ZNF331: variants seen among roughly 807,000 people sequenced by gnomAD.
ZNF331 encodes the protein C2H2-like zinc finger protein rearranged in thyroid adenomas.
In ZNF331, 2 loss-of-function variants were observed where a neutral mutation model predicts 7.0. The observed-to-expected ratio is 0.29, with a 90% CI of 0.12 to 0.90. The LOEUF is 0.90. Ranked by LOEUF, ZNF331 falls within the 40% of genes least tolerant of loss-of-function variation. The pLI, the probability that ZNF331 is intolerant of heterozygous loss-of-function variation, is 0.58. For missense variants in ZNF331, 432 were observed against 587.7 expected (o/e 0.74, Z 2.74); for synonymous variants, 196 against 205.4 (o/e 0.95, Z 0.39).
chr19:53,527,424 T>C (rs1166668822), intron 2 of ZNF331, among the ~76,000 whole-genome samples: 1 of 152,184 alleles, frequency 6.6e-6, no homozygotes, highest in African/African-American at 2.4e-5. Flanking sequence ...CTGAAGTTAT[T>C]AATCAGCTAA....
chr19:53,575,631 G>A (rs2090680847), intron 5 of ZNF331, among the ~76,000 whole-genome samples: 1 of 149,042 alleles, frequency 6.7e-6, no homozygotes, highest in Admixed American at 6.8e-5. Flanking sequence ...ACACCACCAT[G>A]CCTGGCTAAT....
intron 2 of ZNF331, among the ~76,000 whole-genome samples, chr19:53,546,490 C>G (rs991517874): frequency 1.3e-5 from 2 of 151,240 alleles, no homozygotes; most frequent in East Asian, 3.9e-4. Context: ...TGTTGACATC[C>G]TGCTGTGTGC....
In ZNF331 at chr19:53,538,194, T is replaced by C. The variant is rs1410089284; in HGVS notation, c.-307T>C. 1 of 152,144 alleles carries C rather than the reference T, an allele frequency of 6.6e-6. No individual in the cohort carries two copies. The highest frequency in any genetic ancestry group is 2.4e-5 in the African/African-American group (1 of 41,408). 9.4% of individuals were successfully genotyped at this position (152,144 alleles called of 1,614,324 possible). On this transcript the variant is annotated 5_prime_UTR_variant, in exon 1 of 6. Transcript: ENST00000449416. The stretch of plus-strand genomic sequence containing the variant: ...GACGCGGCGGCCCTGTCCCCGTAAC[T>C]GTGACACGGGTGCACGCGAGCGTCA...
chr19:53,510,924 C>T, the ZNF331 span, among the ~76,000 whole-genome samples: 18,729 of 152,032 alleles, frequency 0.12, 1,213 homozygotes, highest in East Asian at 0.19. Context: ...TTTGTAATTG[C>T]ATCCCCACCC....
chr19:53,519,096 C>G (rs2086976804), upstream of ZNF331, among the ~76,000 whole-genome samples: 1 of 152,164 alleles, frequency 6.6e-6, no homozygotes, highest in Non-Finnish European at 1.5e-5. Flanking sequence ...CAAGGGTACT[C>G]TATACAGTAG....
intron 3 of ZNF331, among the ~76,000 whole-genome samples, chr19:53,567,683 CA>C (rs796729593): frequency 1.5e-4 from 21 of 144,356 alleles, no homozygotes; most frequent in Admixed American, 2.1e-4. Context: ...GCAATCTCTA[CA>C]AAAAAAAAAA....
At chr19:53,527,145 T>G (rs1014854344) in intron 2 of ZNF331, among the ~76,000 whole-genome samples, 1 of 151,902 alleles carries the variant, frequency 6.6e-6, no homozygotes, top group Non-Finnish European at 1.5e-5. Flanking sequence ...GAGCCGAGAT[T>G]GTGCCTGGGT....
chr19:53,516,100 G>C (rs1284526), upstream of ZNF331, among the ~76,000 whole-genome samples: 101,581 of 151,974 alleles, frequency 0.67, 34,941 homozygotes, highest in African/African-American at 0.84. Context: ...CCTCAGAAAC[G>C]AGGTCCTTAC....
chr19:53,544,407 A>T lies in ZNF331; in HGVS notation c.-138+5125A>T, dbSNP rs1286177112. Among the ~76,000 whole-genome samples the T allele has an allele frequency of 4.7e-4, 64 of 135,316 alleles. No individual in the cohort carries two copies. In the Middle Eastern group the frequency reaches 0.029, roughly 61 times the overall value. The allele number at this position is 135,316 out of a possible 152,430, so 88.8% of individuals were successfully genotyped here. Reference sequence around the variant, plus strand: ...AAAAATACAAAAAATTAGCCGGGCGAGGTAGTGGGCACCTGTAGTCCCAGC... The same window carrying T: ...AAAAATACAAAAAATTAGCCGGGCGTGGTAGTGGGCACCTGTAGTCCCAGC... On this transcript the variant is annotated intron_variant, in intron 2 of 5. Transcript: ENST00000449416.
intron 2 of ZNF331, among the ~76,000 whole-genome samples, chr19:53,547,601 C>T (rs1386187488): frequency 4.6e-5 from 7 of 152,192 alleles, no homozygotes; most frequent in South Asian, 4.1e-4. Flanking sequence ...GGCATCTCCA[C>T]GGTGTTTTCC....
At chr19:53,552,920 G>T (rs2089107298) in intron 2 of ZNF331, among the ~76,000 whole-genome samples, 1 of 152,036 alleles carries the variant, frequency 6.6e-6, no homozygotes. Flanking sequence ...AATTTTACTA[G>T]TGAGGAAACA....
chr19:53,576,769 G>A lies in ZNF331; in HGVS notation c.209G>A (p.Arg70Lys), dbSNP rs770166196. 38 of 1,613,858 alleles carry A rather than the reference G, an allele frequency of 2.4e-5. No individual in the cohort carries two copies. The highest frequency in any genetic ancestry group is 3.1e-5 in the Non-Finnish European group (37 of 1,179,998). Residue 70 changes from arginine (R) to lysine (K), a missense_variant, in exon 6 of 6, where the codon AGG becomes AAG. By Grantham distance (26) the Arg-to-Lys change is conservative. This residue lies in a region of ZNF331 where 81 missense variants were observed against 70.3 expected (regional missense o/e 1.15). Transcript: ENST00000449416. Reference protein sequence around the residue: ...KNIHEIRASKRNSDRRSKSLG... With the variant: ...KNIHEIRASKKNSDRRSKSLG... ...ATTCATGAAATAAGGGCTTCCAAAA[G>A]GAATTCAGATAGAAGAAGTAAATCC...
intron 5 of ZNF331, among the ~76,000 whole-genome samples, chr19:53,574,937 CTTTTT>C (rs11354144): frequency 2.5e-5 from 3 of 119,502 alleles, no homozygotes; most frequent in Admixed American, 8.7e-5. Context: ...TTTTTCTTTT[CTTTTT>C]TTTTTTTTTT....
At chr19:53,505,802 T>C in the ZNF331 span, among the ~76,000 whole-genome samples, 5 of 151,556 alleles carry the variant, frequency 3.3e-5, no homozygotes, top group Admixed American at 6.6e-5. Context: ...CTGGCCAACA[T>C]GGTGAAACCC....
Position 53,577,565 on chromosome 19 carries a change from C to T in ZNF331, c.1005C>T (p.Ala335=). The T allele has an allele frequency of 6.2e-7, 1 of 1,609,384 alleles. No homozygotes were observed. Among genetic ancestry groups the T allele is most frequent in the Non-Finnish European group, 8.5e-7 (1 of 1,178,514 alleles). ...KPHECKECGK[A]FRWGSSLVKH... ...ACGAATGTAAGGAGTGTGGGAAGGCCTTTCGCTGGGGTTCGAGCCTCGTTA... is the reference window on the plus strand; with the variant it reads ...ACGAATGTAAGGAGTGTGGGAAGGCTTTTCGCTGGGGTTCGAGCCTCGTTA... The change falls in exon 6 of 6, where the codon GCC becomes GCT. Residue 335 remains alanine, a synonymous_variant. Coordinates refer to ENST00000449416, the MANE Select transcript of ZNF331 (RefSeq NM_001079906.2).
At chr19:53,553,862 C>G (rs966010266) in intron 2 of ZNF331, among the ~76,000 whole-genome samples, 2 of 152,314 alleles carry the variant, frequency 1.3e-5, no homozygotes, top group African/African-American at 2.4e-5. Flanking sequence ...GCCAGACGGG[C>G]TCCCAGCTGG....
chr19:53,506,714 T>G, the ZNF331 span, among the ~76,000 whole-genome samples: 1 of 151,984 alleles, frequency 6.6e-6, no homozygotes, highest in Non-Finnish European at 1.5e-5. Context: ...AAGAGGGTCT[T>G]TTGTGCTAAT....
chr19:53,573,828 T>G lies in ZNF331; in HGVS notation c.136+2098T>G, dbSNP rs1244100304. On this transcript the variant is annotated intron_variant, in intron 5 of 5. Transcript: ENST00000449416. This position sits in a 1 kb window ranked among gnomAD's most constrained non-coding sequence, Gnocchi z 4.2. ...GATTAATACTCAATCAAAAAAAATT[T>G]AAGGCCAGGCATGGTGGTTCACGCC... 6.6e-6 allele frequency among the ~76,000 whole-genome samples: 1 copy of G among 152,096 alleles called. No individual in the cohort carries two copies. Among genetic ancestry groups the G allele is most frequent in the East Asian group, 1.9e-4 (1 of 5,180 alleles).
At chr19:53,572,527 A>ATATATATACACACACATATATAT in intron 5 of ZNF331, among the ~76,000 whole-genome samples, 1 of 138,434 alleles carries the variant, frequency 7.2e-6, no homozygotes, top group Non-Finnish European at 1.5e-5. Context: ...TATATATTTT[A>ATATATATACACACACATATATAT]TATATATACA....
Sources: allele counts gnomAD v4.1 joint callset (sites outside exome capture counted in the v4.1 genomes callset), GRCh38; gene constraint gnomAD v4.1.1; regional missense constraint gnomAD v4.1.1; non-coding constraint Gnocchi (gnomAD v3.1); transcripts MANE v1.5; gene names NCBI Gene and HGNC (gene_info 2026-07-23, HGNC 2026-07-21).